CDIN1: variants seen among roughly 807,000 people sequenced by gnomAD.
CDIN1 encodes the protein CDAN1 interacting nuclease 1, also known as CDAN1-interacting nuclease 1.
A neutral mutation model predicts 45.3 loss-of-function variants in CDIN1; 33 were observed. That is an observed-to-expected ratio of 0.73 (90% CI 0.55 to 0.97). The LOEUF (loss-of-function observed/expected upper bound fraction) is 0.97, where lower values mean the gene tolerates loss of function less well. CDIN1 is among the 50% of genes least tolerant of loss of function. CDIN1 has a pLI of 0.00. For missense variants in CDIN1, 303 were observed against 339.4 expected (o/e 0.89, Z 0.84); for synonymous variants, 118 against 124.4 (o/e 0.95, Z 0.34).
intron 1 of CDIN1, among the ~76,000 whole-genome samples, chr15:36,625,126 GAAAAA>G (rs2140326068): frequency 6.6e-6 from 1 of 151,816 alleles, no homozygotes; most frequent in East Asian, 1.9e-4. Flanking sequence ...AAATACAAAA[GAAAAA>G]TTAGCCGGGT....
intron 10 of CDIN1, among the ~76,000 whole-genome samples, chr15:36,792,878 C>T (rs1476791413): frequency 1.3e-5 from 2 of 152,128 alleles, no homozygotes; most frequent in Non-Finnish European, 2.9e-5. Flanking sequence ...CGTGCCCTTC[C>T]CTCCGGTCCT....
chr15:36,698,223 T>A (rs185615079), intron 8 of CDIN1, among the ~76,000 whole-genome samples: 8 of 152,312 alleles, frequency 5.3e-5, no homozygotes, highest in African/African-American at 9.6e-5. Flanking sequence ...AAATGTCAAA[T>A]AAGGAAGAGA....
intron 5 of CDIN1, among the ~76,000 whole-genome samples, chr15:36,682,258 G>A (rs1460087427): frequency 6.6e-6 from 1 of 152,124 alleles, no homozygotes; most frequent in Non-Finnish European, 1.5e-5. Flanking sequence ...GCAGGCTTGA[G>A]ACACAGGAAG....
chr15:36,795,322 ATTAT>A (rs1488837681), intron 10 of CDIN1, among the ~76,000 whole-genome samples: 4 of 152,244 alleles, frequency 2.6e-5, no homozygotes, highest in Non-Finnish European at 5.9e-5. Context: ...CAAAATGATA[ATTAT>A]TTGAGGTAAT....
chr15:36,721,526 C>A (rs2043416099), intron 10 of CDIN1, among the ~76,000 whole-genome samples: 1 of 152,112 alleles, frequency 6.6e-6, no homozygotes, highest in African/African-American at 2.4e-5. Context: ...GCATGGAGAT[C>A]AGAGAACAAA....
intron 10 of CDIN1, among the ~76,000 whole-genome samples, chr15:36,787,234 T>C (rs541025123): frequency 7.9e-5 from 12 of 152,342 alleles, no homozygotes; most frequent in Admixed American, 6.5e-4. Context: ...GTCTCTGCCC[T>C]GGTTCTTACC....
intron 1 of CDIN1, among the ~76,000 whole-genome samples, chr15:36,608,127 A>C (rs2038468318): frequency 6.6e-6 from 1 of 152,158 alleles, no homozygotes; most frequent in Admixed American, 6.5e-5. Flanking sequence ...ATTATGATTA[A>C]ATGCTTCTAT....
At chr15:36,707,938 A>T (rs1187782584) in intron 8 of CDIN1, 1 of 152,102 alleles carries the variant, frequency 6.6e-6, no homozygotes. Flanking sequence ...TTATATTTCA[A>T]GGAGGGGAGA....
chr15:36,648,427 A>ATTTTTTTTTTTTTT (rs4008147), intron 3 of CDIN1, among the ~76,000 whole-genome samples: 2 of 91,068 alleles, frequency 2.2e-5, no homozygotes, highest in Admixed American at 1.7e-4. Context: ...CCAATATTCT[A>ATTTTTTTTTTTTTT]TTTTTTTTTT....
chr15:36,623,553 T>G (rs972944293), intron 1 of CDIN1, among the ~76,000 whole-genome samples: 1 of 152,154 alleles, frequency 6.6e-6, no homozygotes, highest in Non-Finnish European at 1.5e-5. Flanking sequence ...AGTGTTGCAG[T>G]GGGGGTAACC....
chr15:36,647,396 A>C (rs1479036872), intron 3 of CDIN1, among the ~76,000 whole-genome samples: 3 of 152,148 alleles, frequency 2.0e-5, no homozygotes, highest in African/African-American at 7.2e-5. Flanking sequence ...ACATAAATAG[A>C]TTTCTTTCAA....
chr15:36,631,007 A>G (rs566309201), intron 1 of CDIN1, among the ~76,000 whole-genome samples: 3 of 152,204 alleles, frequency 2.0e-5, no homozygotes, highest in Non-Finnish European at 1.5e-5. Context: ...AACCTTCAAC[A>G]TGAGATTTGG....
intron 10 of CDIN1, among the ~76,000 whole-genome samples, chr15:36,753,082 G>A (rs1482800639): frequency 2.0e-5 from 3 of 152,226 alleles, no homozygotes; most frequent in African/African-American, 4.8e-5. Flanking sequence ...CTGCTTTTTT[G>A]TGCAAGCCTT....
At chr15:36,684,673 C>T (rs1484292097) in intron 5 of CDIN1, among the ~76,000 whole-genome samples, 1 of 152,050 alleles carries the variant, frequency 6.6e-6, no homozygotes, top group Non-Finnish European at 1.5e-5. Flanking sequence ...CCTCCTTGTA[C>T]CTCTGGTAGA....
chr15:36,598,732 C>T (rs937079365), intron 1 of CDIN1, among the ~76,000 whole-genome samples: 5 of 152,058 alleles, frequency 3.3e-5, no homozygotes, highest in Non-Finnish European at 5.9e-5. Flanking sequence ...CCACCCTCTC[C>T]TTTTCTGCCC....
chr15:36,692,023 CGGGGGT>C, intron 6 of CDIN1, 97 bp from the exon 7 acceptor site: 1 of 574,848 alleles, frequency 1.7e-6, no homozygotes. Flanking sequence ...TTTTGGGGGG[CGGGGGT>C]GGGGGAAGAA....
chr15:36,759,455 AAT>A (rs1420688713), intron 10 of CDIN1, among the ~76,000 whole-genome samples: 1 of 152,192 alleles, frequency 6.6e-6, no homozygotes, highest in African/African-American at 2.4e-5. Context: ...TGCTCAGATA[AAT>A]ATGTTTTTTC....
chr15:36,710,104 G>T, intron 10 of CDIN1, 143 bp downstream of exon 10: 18 of 510,706 alleles, frequency 3.5e-5, no homozygotes, highest in Middle Eastern at 5.2e-4. Flanking sequence ...ATTCATTTCA[G>T]ATAATTTAAA....
chr15:36,627,344 G>T, intron 1 of CDIN1: 1 of 160,224 alleles, frequency 6.2e-6, no homozygotes, highest in South Asian at 1.8e-4. Context: ...GTGATTCAAG[G>T]ACTTGAGTCT....
Sources: allele counts gnomAD v4.1 joint callset (sites outside exome capture counted in the v4.1 genomes callset), GRCh38; gene constraint gnomAD v4.1.1; transcripts MANE v1.5; gene names NCBI Gene and HGNC (gene_info 2026-07-23, HGNC 2026-07-21).